The following STK31 variants were observed in gnomAD, a reference collection of about 807,000 sequenced individuals.
STK31 encodes serine/threonine kinase 31, also known as serine/threonine-protein kinase 31.
In STK31, 89 loss-of-function variants were observed where a neutral mutation model predicts 129.7. The ratio of observed to expected loss-of-function variants is 0.69; its 90% CI spans 0.58 to 0.82. The LOEUF (loss-of-function observed/expected upper bound fraction) is 0.82. Among genes scored for constraint, STK31 ranks in the 40% least tolerant of loss-of-function variants. The pLI is 0.00. For synonymous variants in STK31, 448 were observed against 395.3 expected (o/e 1.13, Z -1.58); for missense variants, 1,187 against 1,176.4 (o/e 1.01, Z -0.13).
At position 23,754,329 on chromosome 7, in the gene STK31, G is replaced by C; in HGVS notation, c.1148G>C (p.Ser383Thr). The C allele has an allele frequency of 6.2e-7, 1 of 1,610,436 alleles. No homozygotes were observed. The highest frequency in any genetic ancestry group is 8.5e-7 in the Non-Finnish European group (1 of 1,179,240). ...ILKEMRHVDI[S>T]VRFGKDLSDA... ...TTTAAAAATAGGCATGTCGACATCA[G>C]TGTCCGTTTCGGAAAAGACCTTTCA... The change falls in exon 10 of 24, where the codon AGT becomes ACT. Residue 383 changes from serine to threonine, a missense_variant. Ser to Thr is a moderately conservative substitution (Grantham distance 58). Coordinates refer to ENST00000355870, the MANE Select transcript of STK31 (RefSeq NM_031414.5).
chr7:23,820,126 T>G (rs1468494744), intron 23 of STK31, among the ~76,000 whole-genome samples: 1 of 152,208 alleles, frequency 6.6e-6, no homozygotes, highest in Non-Finnish European at 1.5e-5. Context: ...CCTTTTACAC[T>G]TTTTCCCCAT....
rs1222136260 is a variant in STK31, at chr7:23,790,865, T to A, written c.2679T>A (p.Ser893Arg). 1 of 1,608,876 alleles carries A rather than the reference T, an allele frequency of 6.2e-7. No individual in the cohort carries two copies. Among genetic ancestry groups the A allele is most frequent in the South Asian group, 1.1e-5 (1 of 90,152 alleles). Residue 893 changes from serine (S) to arginine (R), a missense_variant, in exon 22 of 24, where the codon AGT becomes AGA. Coordinates refer to ENST00000355870, the MANE Select transcript of STK31 (RefSeq NM_031414.5). ...TGAACATGATGGTTGGTGACTTGAG[T>A]TTGATGTCACCTGAGTTGAAAATGG... ...ASVNMMVGDL[S>R]LMSPELKMGK...
At chr7:23,734,590 C>G (rs575559664) in intron 6 of STK31, among the ~76,000 whole-genome samples, 20 of 152,254 alleles carry the variant, frequency 1.3e-4, no homozygotes, top group African/African-American at 4.8e-4. Flanking sequence ...TTCAGTAGCT[C>G]AAAGTTAGCA....
At chr7:23,779,120 T>G (rs1790745321) in intron 15 of STK31, among the ~76,000 whole-genome samples, 1 of 152,226 alleles carries the variant, frequency 6.6e-6, no homozygotes, top group Admixed American at 6.5e-5. Context: ...TGCTGGAGTT[T>G]GCTGGAAGTC....
intron 12 of STK31, 56 bp from the exon 13 acceptor site, chr7:23,769,584 G>A (rs1790056829): frequency 1.6e-5 from 19 of 1,207,906 alleles, no homozygotes; most frequent in Non-Finnish European, 1.8e-5. Flanking sequence ...ATTAAGGCAC[G>A]ATGAATGCTG....
At chr7:23,751,831 A>C (rs976919182) in intron 8 of STK31, among the ~76,000 whole-genome samples, 4 of 152,152 alleles carry the variant, frequency 2.6e-5, no homozygotes. Context: ...ATTGCTTAGA[A>C]AATACTCCCT....
At chr7:23,756,404 G>A (rs1789086972) in intron 10 of STK31, among the ~76,000 whole-genome samples, 1 of 152,146 alleles carries the variant, frequency 6.6e-6, no homozygotes, top group African/African-American at 2.4e-5. Flanking sequence ...GGGGTGAGAC[G>A]ATGGGGATTT....
chr7:23,828,956 G>T (rs1317255347), intron 23 of STK31, among the ~76,000 whole-genome samples: 1 of 151,696 alleles, frequency 6.6e-6, no homozygotes, highest in Non-Finnish European at 1.5e-5. Context: ...CTGGAGTGCA[G>T]TGGCGTGATC....
intron 17 of STK31, among the ~76,000 whole-genome samples, chr7:23,784,003 A>G (rs1021203233): frequency 6.6e-6 from 1 of 152,200 alleles, no homozygotes; most frequent in Non-Finnish European, 1.5e-5. Flanking sequence ...AGATATTGCT[A>G]GCCCTGAGGG....
intron 11 of STK31, among the ~76,000 whole-genome samples, chr7:23,767,433 G>A (rs950895824): frequency 2.0e-5 from 3 of 152,176 alleles, no homozygotes; most frequent in African/African-American, 4.8e-5. Flanking sequence ...TTATTTTTAA[G>A]GGTCTAGCTT....
intron 23 of STK31, among the ~76,000 whole-genome samples, chr7:23,822,515 C>A (rs1424168101): frequency 6.6e-6 from 1 of 152,158 alleles, no homozygotes; most frequent in Non-Finnish European, 1.5e-5. Context: ...TTAATCAGAT[C>A]TAAAAGCTTT....
chr7:23,781,644 A>G (rs889060514), intron 16 of STK31, 124 bp downstream of exon 16: 1 of 582,234 alleles, frequency 1.7e-6, no homozygotes, highest in Non-Finnish European at 2.9e-6. Context: ...GTTTATATAT[A>G]TATTGACCTG....
intron 23 of STK31, among the ~76,000 whole-genome samples, chr7:23,824,151 C>T (rs185423408): frequency 0.011 from 1,701 of 152,116 alleles, 29 homozygotes; most frequent in African/African-American, 0.037. Context: ...ATTGGTAGCT[C>T]GATGGGGATG....
At chr7:23,806,061 A>G (rs1461270891) in intron 22 of STK31, among the ~76,000 whole-genome samples, 1 of 152,202 alleles carries the variant, frequency 6.6e-6, no homozygotes, top group East Asian at 1.9e-4. Flanking sequence ...TTCACATCAC[A>G]TATTATTAAG....
chr7:23,802,123 T>C (rs978643244), intron 22 of STK31, among the ~76,000 whole-genome samples: 1 of 152,202 alleles, frequency 6.6e-6, no homozygotes, highest in Non-Finnish European at 1.5e-5. Flanking sequence ...GTAAGTTTAT[T>C]GAACCTGAGG....
chr7:23,824,067 A>C (rs1793957129), intron 23 of STK31, among the ~76,000 whole-genome samples: 1 of 152,116 alleles, frequency 6.6e-6, no homozygotes, highest in African/African-American at 2.4e-5. Flanking sequence ...CTTAGGATTG[A>C]CTTGGCAATG....
At chr7:23,798,998 A>C (rs1299985448) in intron 22 of STK31, among the ~76,000 whole-genome samples, 5 of 152,338 alleles carry the variant, frequency 3.3e-5, no homozygotes, top group Non-Finnish European at 1.5e-5. Flanking sequence ...CACAATTGCT[A>C]CAAAGAGAGT....
chr7:23,736,470 G>A (rs190595802), intron 7 of STK31, among the ~76,000 whole-genome samples: 27 of 150,750 alleles, frequency 1.8e-4, no homozygotes, highest in Admixed American at 3.3e-4. Flanking sequence ...GCTGTATCTT[G>A]GATGACATAG....
intron 23 of STK31, among the ~76,000 whole-genome samples, chr7:23,819,891 ATAGCAGCAGTAGAGGTGATCC>A (rs1423065611): frequency 6.6e-6 from 1 of 152,212 alleles, no homozygotes; most frequent in Non-Finnish European, 1.5e-5. Context: ...GGTGATAATG[ATAGCAGCAGTAGAGGTGATCC>A]TAGAGAGTGA....
Sources: allele counts gnomAD v4.1 joint callset (sites outside exome capture counted in the v4.1 genomes callset), GRCh38; gene constraint gnomAD v4.1.1; transcripts MANE v1.5; gene names NCBI Gene and HGNC (gene_info 2026-07-23, HGNC 2026-07-21).